Variants in ARHGAP18 observed in about 807,000 individuals in gnomAD.
The protein encoded by ARHGAP18 is rho GTPase-activating protein 18.
Under a neutral mutation model 86.2 loss-of-function variants are expected in ARHGAP18, and 67 were observed. The ratio of observed to expected loss-of-function variants is 0.78; its 90% CI spans 0.64 to 0.95. The LOEUF (loss-of-function observed/expected upper bound fraction) is 0.95, where lower values mean the gene tolerates loss of function less well. Among genes scored for constraint, ARHGAP18 ranks in the 40% least tolerant of loss-of-function variants. The pLI is 0.00. For missense variants in ARHGAP18, 691 were observed against 780.4 expected, an observed-to-expected ratio of 0.89 and a Z score of 1.37; for synonymous variants, 283 against 280.4, an observed-to-expected ratio of 1.01 and a Z score of -0.09.
intron 5 of ARHGAP18, among the ~76,000 whole-genome samples, chr6:129,625,918 A>ATATTTATATAT (rs1335651099): frequency 1.2e-5 from 1 of 81,896 alleles, no homozygotes; most frequent in Non-Finnish European, 2.3e-5. Context: ...ATTATATATT[A>ATATTTATATAT]TAGATATTTA....
At chr6:129,709,189 G>A (rs1317806362) in intron 1 of ARHGAP18, among the ~76,000 whole-genome samples, 2 of 152,094 alleles carry the variant, frequency 1.3e-5, no homozygotes, top group African/African-American at 2.4e-5. Context: ...TATTAGGTTA[G>A]TATTTGCTTC....
At chr6:129,592,142 G>C (rs1226697581) in intron 12 of ARHGAP18, among the ~76,000 whole-genome samples, 2 of 151,968 alleles carry the variant, frequency 1.3e-5, no homozygotes. Flanking sequence ...TTAAAAATCA[G>C]GGAATGTCAT....
chr6:129,649,904 C>CTT (rs370338328), intron 1 of ARHGAP18, among the ~76,000 whole-genome samples: 8 of 115,622 alleles, frequency 6.9e-5, no homozygotes, highest in African/African-American at 1.2e-4. Flanking sequence ...ACTTCGTCTT[C>CTT]TTTTTTTTTG....
At chr6:129,696,959 C>T (rs2114551847) in intron 1 of ARHGAP18, among the ~76,000 whole-genome samples, 1 of 152,318 alleles carries the variant, frequency 6.6e-6, no homozygotes, top group Non-Finnish European at 1.5e-5. Flanking sequence ...TCCTATTCCT[C>T]CATCCTCTCG....
chr6:129,697,414 C>A (rs1054730171), intron 1 of ARHGAP18, among the ~76,000 whole-genome samples: 1 of 151,330 alleles, frequency 6.6e-6, no homozygotes, highest in Non-Finnish European at 1.5e-5. Context: ...ACTGGTAGTG[C>A]CTGGGTCAGA....
intron 1 of ARHGAP18, among the ~76,000 whole-genome samples, chr6:129,669,065 AC>A (rs1402786895): frequency 6.6e-6 from 1 of 152,144 alleles, no homozygotes; most frequent in Non-Finnish European, 1.5e-5. Flanking sequence ...TAAAACAATT[AC>A]GCGGTGTCTG....
chr6:129,684,375 G>A (rs1185071772), intron 1 of ARHGAP18, among the ~76,000 whole-genome samples: 1 of 152,062 alleles, frequency 6.6e-6, no homozygotes, highest in Non-Finnish European at 1.5e-5. Flanking sequence ...AATGTGCATG[G>A]GAAAAAAATA....
chr6:129,649,553 C>CAAAAAAAAAAAAAAAAAAAAAAAAAA, intron 1 of ARHGAP18, among the ~76,000 whole-genome samples: 1 of 49,990 alleles, frequency 2.0e-5, no homozygotes, highest in Non-Finnish European at 3.7e-5. Flanking sequence ...TCTCTGTCTC[C>CAAAAAAAAAAAAAAAAAAAAAAAAAA]AAAAAAAAAA....
At chr6:129,683,235 C>G (rs1189472961) in intron 1 of ARHGAP18, among the ~76,000 whole-genome samples, 1 of 152,014 alleles carries the variant, frequency 6.6e-6, no homozygotes, top group East Asian at 1.9e-4. Flanking sequence ...CCACGCCCGG[C>G]TAACTTTTTG....
chr6:129,607,807 C>A (rs758001358), intron 9 of ARHGAP18, 86 bp downstream of exon 9: 1 of 1,390,388 alleles, frequency 7.2e-7, no homozygotes, highest in Non-Finnish European at 9.5e-7. Flanking sequence ...CGTCTGGTTG[C>A]GTTCTTTGTG....
At chr6:129,617,474 C>T (rs1170528855) in intron 6 of ARHGAP18, among the ~76,000 whole-genome samples, 2 of 152,132 alleles carry the variant, frequency 1.3e-5, no homozygotes, top group African/African-American at 2.4e-5. Flanking sequence ...GGAAAAGATG[C>T]AATCTCAAGG....
At chr6:129,687,964 C>T (rs1774459600) in intron 1 of ARHGAP18, among the ~76,000 whole-genome samples, 1 of 152,188 alleles carries the variant, frequency 6.6e-6, no homozygotes, top group Admixed American at 6.5e-5. Context: ...CTTCCCACTA[C>T]AGTGTCAATC....
intron 2 of ARHGAP18, among the ~76,000 whole-genome samples, 163 bp downstream of exon 2, chr6:129,641,653 G>A (rs550012661): frequency 2.6e-5 from 4 of 152,306 alleles, no homozygotes; most frequent in African/African-American, 7.2e-5. Context: ...TCTGGCAGTT[G>A]CATCCATAAA....
chr6:129,664,735 T>G (rs1388717465), intron 1 of ARHGAP18, among the ~76,000 whole-genome samples: 1 of 152,234 alleles, frequency 6.6e-6, no homozygotes, highest in African/African-American at 2.4e-5. Flanking sequence ...CAGTCCGTGG[T>G]CTGATGAAAC....
intron 12 of ARHGAP18, among the ~76,000 whole-genome samples, chr6:129,587,697 T>C (rs1041782154): frequency 2.6e-5 from 4 of 152,062 alleles, no homozygotes; most frequent in Non-Finnish European, 5.9e-5. Context: ...GCATAAGGGT[T>C]ACCACCCCCA....
chr6:129,618,112 A>C (rs1178485217), intron 6 of ARHGAP18, among the ~76,000 whole-genome samples: 1 of 143,790 alleles, frequency 7.0e-6, no homozygotes, highest in East Asian at 1.9e-4. Context: ...TACAAAAAAA[A>C]CAAAAAAAAA....
intron 1 of ARHGAP18, among the ~76,000 whole-genome samples, chr6:129,674,159 C>G (rs1774189739): frequency 6.6e-6 from 1 of 152,082 alleles, no homozygotes; most frequent in Admixed American, 6.6e-5. Flanking sequence ...TTATAACCAC[C>G]TGGTATTGAA....
intron 4 of ARHGAP18, among the ~76,000 whole-genome samples, chr6:129,630,076 C>T (rs916161794): frequency 1.3e-5 from 2 of 152,056 alleles, no homozygotes; most frequent in Non-Finnish European, 2.9e-5. Flanking sequence ...GATCACTATG[C>T]GAGTCAGGTC....
chr6:129,611,897 T>C (rs1055132262), intron 7 of ARHGAP18, among the ~76,000 whole-genome samples: 3 of 152,214 alleles, frequency 2.0e-5, no homozygotes, highest in African/African-American at 7.2e-5. Flanking sequence ...TGTTCACTGT[T>C]TAAAAGCAAC....
Sources: allele counts gnomAD v4.1 joint callset (sites outside exome capture counted in the v4.1 genomes callset), GRCh38; gene constraint gnomAD v4.1.1; transcripts MANE v1.5; gene names NCBI Gene and HGNC (gene_info 2026-07-23, HGNC 2026-07-21).